Variants in IRAG2 observed in about 807,000 individuals in gnomAD.
IRAG2 encodes the protein lymphoid restricted membrane protein.
Under a neutral mutation model 69.9 loss-of-function variants are expected in IRAG2, and 45 were observed. That is an observed-to-expected ratio of 0.64 (90% CI 0.51 to 0.83). IRAG2 has a LOEUF of 0.83. Among genes scored for constraint, IRAG2 ranks in the 40% least tolerant of loss-of-function variants. The probability of loss-of-function intolerance (pLI) is 0.00; values close to 1 mark genes in which losing one functional copy is unlikely to be tolerated. For missense variants in IRAG2, 520 were observed against 587.0 expected, an observed-to-expected ratio of 0.89 and a Z score of 1.18; for synonymous variants, 193 against 202.4, an observed-to-expected ratio of 0.95 and a Z score of 0.40.
chr12:25,079,194 A>G (rs752235780), intron 6 of IRAG2, 50 bp from the exon 7 acceptor site: 14 of 1,593,266 alleles, frequency 8.8e-6, no homozygotes, highest in South Asian at 5.5e-5. Context: ...CCTCTTTGGA[A>G]TGGAAAATGT....
At chr12:25,014,799 C>T (rs73076067) in intron 3 of IRAG2, among the ~76,000 whole-genome samples, 8,300 of 151,816 alleles carry the variant, frequency 0.055, 457 homozygotes, top group African/African-American at 0.14. Context: ...CACAAGTCTC[C>T]ACTTACCAGT....
chr12:25,094,485 T>C (rs1314988930), intron 14 of IRAG2, among the ~76,000 whole-genome samples: 6 of 152,316 alleles, frequency 3.9e-5, no homozygotes, highest in Non-Finnish European at 7.4e-5. Flanking sequence ...TGTAGCATTG[T>C]AATATGTTTT....
Position 25,079,266 on chromosome 12 carries a change from G to T in IRAG2, c.47G>T (p.Cys16Phe). ...AAGGAGAATGGTGTTGAACGCGTGT[G>T]TCCTGAGAGCCTGCTGCAGTCCAGG... ...SMEENGVERVCPESLLQSREY... is the reference protein window; with the variant it reads ...SMEENGVERVFPESLLQSREY... Residue 16 changes from cysteine to phenylalanine, a missense_variant, in exon 7 of 22, where the codon TGT becomes TTT. Coordinates refer to ENST00000556887, the MANE Select transcript of IRAG2 (RefSeq NM_001366544.2). 6.2e-7 allele frequency: 1 copy of T among 1,614,084 alleles called. No homozygotes were observed.
At chr12:25,058,771 C>A (rs779538317) in intron 1 of IRAG2, among the ~76,000 whole-genome samples, 4 of 152,198 alleles carry the variant, frequency 2.6e-5, no homozygotes, top group African/African-American at 4.8e-5. Flanking sequence ...TGGTCCCATC[C>A]TACATGGCAG....
chr12:25,108,321 T>C lies in IRAG2; in HGVS notation c.*261T>C. 1 of 538,916 alleles carries C rather than the reference T, an allele frequency of 1.9e-6. No homozygotes were observed. The highest frequency in any genetic ancestry group is 3.2e-6 in the Non-Finnish European group (1 of 316,100). The allele number at this position is 538,916 out of a possible 1,614,324, so 33.4% of individuals were successfully genotyped here. A position where few individuals can be genotyped will look rare whatever the true frequency, so the allele number is the denominator to read the frequency against. On this transcript the variant is annotated 3_prime_UTR_variant, in exon 22 of 22. Coordinates refer to ENST00000556887, the MANE Select transcript of IRAG2 (RefSeq NM_001366544.2). ...TGTTAAAGTTTATTGAAATAAAGAA[T>C]CATTTAAATCTTCATAGAGTGAAAG...
At chr12:25,000,490 TGTG>T (rs1944383867), upstream of IRAG2, among the ~76,000 whole-genome samples, 1 of 151,962 alleles carries the variant, frequency 6.6e-6, no homozygotes, top group African/African-American at 2.4e-5. Flanking sequence ...CTGAGCCAGG[TGTG>T]GTAATCCCAG....
intron 6 of IRAG2, chr12:25,076,490 C>T: frequency 1.0e-6 from 1 of 984,190 alleles, no homozygotes; most frequent in Non-Finnish European, 1.2e-6. Flanking sequence ...ATTACTTTGG[C>T]TTTAAATACT....
At chr12:25,053,278 A>C (rs553879218) in intron 1 of IRAG2, among the ~76,000 whole-genome samples, 1 of 150,996 alleles carries the variant, frequency 6.6e-6, no homozygotes, top group South Asian at 2.1e-4. Flanking sequence ...TATGCATGGT[A>C]TATTTGAACT....
intron 3 of IRAG2, among the ~76,000 whole-genome samples, chr12:25,013,443 A>T (rs566925159): frequency 1.3e-5 from 2 of 152,352 alleles, no homozygotes; most frequent in South Asian, 4.1e-4. Flanking sequence ...GAGCCACTAC[A>T]CTTCAGCCTG....
At chr12:25,004,754 T>G in exon 1 of IRAG2, 8 of 1,232,102 alleles carry the variant, frequency 6.5e-6, no homozygotes, top group Non-Finnish European at 8.1e-6. Context: ...ATGTCACAGA[T>G]CAGAAAAGCA....
In IRAG2 at chr12:25,108,179, T is replaced by A; in HGVS notation, c.*119T>A. On this transcript the variant is annotated 3_prime_UTR_variant, in exon 22 of 22. Transcript: ENST00000556887. ...AAACCAGAGGTTCTCAGAATGACTG[T>A]AAGATAGCTTACATTTCCTCTTTTT... The A allele has an allele frequency of 8.9e-7, 1 of 1,119,706 alleles. No homozygotes were observed. Among genetic ancestry groups the A allele is most frequent in the Non-Finnish European group, 1.3e-6 (1 of 793,922 alleles). The allele number at this position is 1,119,706 out of a possible 1,614,324, so 69.4% of individuals were successfully genotyped here.
intron 2 of IRAG2, among the ~76,000 whole-genome samples, chr12:25,062,301 GA>G (rs201743600): frequency 6.8e-5 from 10 of 148,028 alleles, no homozygotes; most frequent in South Asian, 4.3e-4. Flanking sequence ...GTTAAAGCAG[GA>G]AAAAAAAAAC....
intron 7 of IRAG2, among the ~76,000 whole-genome samples, chr12:25,022,297 A>G (rs1357303240): frequency 6.6e-6 from 1 of 152,026 alleles, no homozygotes; most frequent in Admixed American, 6.6e-5. Flanking sequence ...AGTTCAAGAC[A>G]AGCTTGGCCA....
At chr12:25,096,829 A>C in intron 14 of IRAG2, 81 bp from the exon 15 acceptor site, 1 of 1,090,144 alleles carries the variant, frequency 9.2e-7, no homozygotes, top group Non-Finnish European at 1.3e-6. Context: ...AATGTCATCC[A>C]CATTTGCAAC....
intron 11 of IRAG2, among the ~76,000 whole-genome samples, chr12:25,089,018 C>T (rs540362370): frequency 6.6e-6 from 1 of 152,224 alleles, no homozygotes; most frequent in South Asian, 2.1e-4. Context: ...CTGTAAGATT[C>T]AAACAAAGCT....
At chr12:25,028,654 T>C (rs1350597591) in intron 9 of IRAG2, among the ~76,000 whole-genome samples, 1 of 152,204 alleles carries the variant, frequency 6.6e-6, no homozygotes, top group Non-Finnish European at 1.5e-5. Flanking sequence ...AGGAAACAGA[T>C]GACAACGACT....
chr12:25,041,190 C>G (rs1201954881), intron 16 of IRAG2, among the ~76,000 whole-genome samples: 1 of 152,012 alleles, frequency 6.6e-6, no homozygotes, highest in Non-Finnish European at 1.5e-5. Flanking sequence ...ATGGCTGGGG[C>G]AGGGTGGGGG....
intron 17 of IRAG2, 56 bp from the exon 18 acceptor site, chr12:25,103,781 A>T (rs1948882342): frequency 1.6e-6 from 2 of 1,232,316 alleles, no homozygotes; most frequent in African/African-American, 1.5e-5. Flanking sequence ...TTGGTGTTGC[A>T]TATAATGATA....
At chr12:25,071,825 C>A (rs1371486655) in intron 6 of IRAG2, among the ~76,000 whole-genome samples, 1 of 150,452 alleles carries the variant, frequency 6.6e-6, no homozygotes, top group Admixed American at 6.6e-5. Flanking sequence ...AAATGTACTG[C>A]CTTTTATATC....
Sources: gnomAD v4.1 joint callset for allele counts (sites outside exome capture counted in the v4.1 genomes callset) on GRCh38, gnomAD v4.1.1 for gene constraint, MANE v1.5 for transcripts, NCBI Gene and HGNC (gene_info 2026-07-23, HGNC 2026-07-21) for gene names.